The following PIAS4 variants were observed in gnomAD, a reference collection of about 807,000 sequenced individuals.
The protein encoded by PIAS4 is protein inhibitor of activated STAT 4.
In PIAS4, 7 loss-of-function variants were observed where a neutral mutation model predicts 58.0. The observed-to-expected ratio is 0.12, with a 90% CI of 0.07 to 0.23. The LOEUF (loss-of-function observed/expected upper bound fraction) is 0.23, where lower values mean the gene tolerates loss of function less well. Ranked by LOEUF, PIAS4 falls within the 10% of genes least tolerant of loss-of-function variation. The pLI, the probability that PIAS4 is intolerant of heterozygous loss-of-function variation, is 1.00. For missense variants in PIAS4, 550 were observed against 709.5 expected (o/e 0.78, Z 2.55); for synonymous variants, 364 against 312.4 (o/e 1.17, Z -1.74).
intron 2 of PIAS4, among the ~76,000 whole-genome samples, chr19:4,021,808 C>T (rs927160981): frequency 5.1e-5 from 7 of 136,400 alleles, no homozygotes; most frequent in Admixed American, 2.5e-4. Flanking sequence ...TGCAGTGGTA[C>T]GATCATGGCT....
chr19:4,031,387 C>T (rs2040221356), intron 7 of PIAS4, among the ~76,000 whole-genome samples: 1 of 152,196 alleles, frequency 6.6e-6, no homozygotes, highest in Non-Finnish European at 1.5e-5. Context: ...GCATCCTTGG[C>T]CAGCCTCCTC....
intron 1 of PIAS4, among the ~76,000 whole-genome samples, chr19:4,011,437 T>TC (rs2039991028): frequency 6.6e-6 from 1 of 152,124 alleles, no homozygotes; most frequent in African/African-American, 2.4e-5. Flanking sequence ...CCACTGCCAG[T>TC]CTACCCCACC....
At chr19:4,025,702 A>G (rs538954811) in intron 3 of PIAS4, among the ~76,000 whole-genome samples, 64 of 40,630 alleles carry the variant, frequency 1.6e-3, no homozygotes, top group African/African-American at 3.7e-3. Flanking sequence ...TTCCTTGTCT[A>G]TGTACCTGGG....
At chr19:4,009,423 G>A (rs750652891) in intron 1 of PIAS4, among the ~76,000 whole-genome samples, 5 of 152,118 alleles carry the variant, frequency 3.3e-5, no homozygotes, top group African/African-American at 4.8e-5. Flanking sequence ...GTCCTGAAAT[G>A]TAACCTCCCG....
chr19:4,026,865 T>G (rs2040169910), intron 3 of PIAS4, among the ~76,000 whole-genome samples: 1 of 152,076 alleles, frequency 6.6e-6, no homozygotes, highest in South Asian at 2.1e-4. Context: ...GTATTTTTTT[T>G]GAGACAGAGT....
intron 9 of PIAS4, among the ~76,000 whole-genome samples, chr19:4,036,947 C>T (rs767790473): frequency 1.3e-5 from 2 of 151,634 alleles, no homozygotes; most frequent in African/African-American, 2.4e-5. Flanking sequence ...CATTCATAGA[C>T]TCCACACATG....
intron 9 of PIAS4, among the ~76,000 whole-genome samples, chr19:4,036,944 A>G (rs1021786176): frequency 2.0e-5 from 3 of 152,106 alleles, no homozygotes; most frequent in African/African-American, 7.2e-5. Context: ...ACACATTCAT[A>G]GACTCCACAC....
rs1426658032 is a variant in PIAS4 at position 4,037,175 on chromosome 19, C to G, written c.1143-199C>G. On this transcript the variant is annotated intron_variant, in intron 9 of 10. Coordinates refer to ENST00000262971, the MANE Select transcript of PIAS4 (RefSeq NM_015897.4). This position sits in a 1 kb window ranked among gnomAD's most constrained non-coding sequence, Gnocchi z 5.8. ...GGCAGTGCCGTGCACTGCAGACCTG[C>G]CTGGGGCTCAGCACCTGCAGGGGCC... 6.6e-6 allele frequency among the ~76,000 whole-genome samples: 1 copy of G among 152,214 alleles called. No individual in the cohort carries two copies. The highest frequency in any genetic ancestry group is 2.4e-5 in the African/African-American group (1 of 41,452).
At position 4,024,159 on chromosome 19, in the gene PIAS4, G is replaced by A. The variant is rs375600192; in HGVS notation, c.539+39G>A. ...CCCCCAGCCCAGCACCCCACCGCCC[G>A]CCCACCCACTTTCTCCTGGGCTCAC... On this transcript the variant is annotated intron_variant, in intron 3 of 10. Transcript: ENST00000262971. The A allele has an allele frequency of 5.4e-5, 67 of 1,238,234 alleles. 1 individual carries two copies. The highest frequency in any genetic ancestry group is 3.4e-4 in the African/African-American group (22 of 64,802). 76.7% of individuals were successfully genotyped at this position (1,238,234 alleles called of 1,614,324 possible).
At chr19:4,018,107 C>G (rs534980126) in intron 2 of PIAS4, among the ~76,000 whole-genome samples, 7 of 152,240 alleles carry the variant, frequency 4.6e-5, no homozygotes, top group Non-Finnish European at 7.3e-5. Context: ...CCACCAGGCC[C>G]GGCCCCAGTC....
At chr19:4,023,408 C>T (rs998914432) in intron 2 of PIAS4, among the ~76,000 whole-genome samples, 12 of 151,798 alleles carry the variant, frequency 7.9e-5, no homozygotes, top group Non-Finnish European at 1.2e-4. Flanking sequence ...TGCAGTCAGC[C>T]GAGATCGTGC....
In PIAS4 at chr19:4,013,380, G is replaced by A; in HGVS notation, c.454+31G>A. ...TGGTCACCCTGGGGAGGCTGCGACTGGAGGCTTCACCTAGGCCCCGTCGCC... is the reference window on the plus strand; with the variant it reads ...TGGTCACCCTGGGGAGGCTGCGACTAGAGGCTTCACCTAGGCCCCGTCGCC... On this transcript the variant is annotated intron_variant, in intron 2 of 10. Transcript: ENST00000262971. This position sits in a 1 kb window ranked among gnomAD's most constrained non-coding sequence, Gnocchi z 5.1. 6.3e-7 allele frequency: 1 copy of A among 1,583,002 alleles called. No individual in the cohort carries two copies. Among genetic ancestry groups the A allele is most frequent in the Non-Finnish European group, 8.6e-7 (1 of 1,158,944 alleles).
At chr19:4,021,562 C>A (rs1285965913) in intron 2 of PIAS4, among the ~76,000 whole-genome samples, 1 of 152,066 alleles carries the variant, frequency 6.6e-6, no homozygotes, top group Non-Finnish European at 1.5e-5. Flanking sequence ...GGGTATTCAT[C>A]GGGAATTTTC....
intron 5 of PIAS4, 55 bp from the exon 6 acceptor site, chr19:4,028,665 C>T (rs901060488): frequency 1.8e-5 from 29 of 1,603,436 alleles, no homozygotes; most frequent in African/African-American, 5.4e-5. Flanking sequence ...GGGTGGGGGC[C>T]GTCGGATTTC....
At position 4,028,039 on chromosome 19, in the gene PIAS4, G is replaced by A. The variant is rs919787538; in HGVS notation, c.540-107G>A. 1.4e-5 allele frequency: 15 copies of A among 1,054,096 alleles called. No homozygotes were observed. In the South Asian group the frequency reaches 1.8e-4, roughly 12 times the overall value. 65.3% of individuals were successfully genotyped at this position (1,054,096 alleles called of 1,614,324 possible). On this transcript the variant is annotated intron_variant, in intron 3 of 10. Coordinates refer to ENST00000262971, the MANE Select transcript of PIAS4 (RefSeq NM_015897.4). ...GGGCCTCAGTTTCCCAGCTCTGGGG[G>A]AGGGAGCCTTGTGGTGTGGCGGTCT...
chr19:4,008,082 G>A (rs1254655776), intron 1 of PIAS4, among the ~76,000 whole-genome samples: 1 of 151,904 alleles, frequency 6.6e-6, no homozygotes. Flanking sequence ...CTGAGCGCCA[G>A]GCCAGGGCCG....
Position 4,037,149 on chromosome 19 carries a change from C to G in PIAS4, c.1143-225C>G, listed in dbSNP as rs964229869. 1.3e-5 allele frequency among the ~76,000 whole-genome samples: 2 copies of G among 152,240 alleles called. No individual in the cohort carries two copies. Among genetic ancestry groups the G allele is most frequent in the Non-Finnish European group, 2.9e-5 (2 of 68,036 alleles). On this transcript the variant is annotated intron_variant, in intron 9 of 10. Coordinates refer to ENST00000262971, the MANE Select transcript of PIAS4 (RefSeq NM_015897.4). The surrounding 1 kb of genome is among the most constrained non-coding windows in gnomAD (Gnocchi z 5.8). ...TATGTGTGTCCATGCCCCGTCCCCC[C>G]GGCAGTGCCGTGCACTGCAGACCTG...
At chr19:4,027,214 C>G (rs2040174574) in intron 3 of PIAS4, among the ~76,000 whole-genome samples, 1 of 152,162 alleles carries the variant, frequency 6.6e-6, no homozygotes, top group African/African-American at 2.4e-5. Context: ...TCTCGAACTC[C>G]TGACCTCAAG....
chr19:4,032,621 C>A (rs903341535), intron 7 of PIAS4, among the ~76,000 whole-genome samples: 1 of 152,234 alleles, frequency 6.6e-6, no homozygotes. Flanking sequence ...TGTCTGCAGG[C>A]TGCCTTGGGG....
Sources: gnomAD v4.1 joint callset for allele counts (sites outside exome capture counted in the v4.1 genomes callset) on GRCh38, gnomAD v4.1.1 for gene constraint, Gnocchi (gnomAD v3.1) non-coding constraint, MANE v1.5 for transcripts, NCBI Gene and HGNC (gene_info 2026-07-23, HGNC 2026-07-21) for gene names.